Variants in GPC5 observed in about 807,000 individuals in gnomAD.
The protein encoded by GPC5 is glypican-5.
GPC5 carries 47 observed loss-of-function variants against 53.9 expected under a neutral mutation model. That is an observed-to-expected ratio of 0.87 (90% CI 0.69 to 1.11). The LOEUF (loss-of-function observed/expected upper bound fraction) is 1.11, where lower values mean the gene tolerates loss of function less well. GPC5 is among the 50% of genes most tolerant of loss of function. The pLI, the probability that GPC5 is intolerant of heterozygous loss-of-function variation, is 0.00. For missense variants in GPC5, 748 were observed against 713.1 expected, an observed-to-expected ratio of 1.05 and a Z score of -0.56; for synonymous variants, 286 against 263.3, an observed-to-expected ratio of 1.09 and a Z score of -0.84.
intron 7 of GPC5, among the ~76,000 whole-genome samples, chr13:92,371,007 G>A (rs912721031): frequency 1.3e-5 from 2 of 151,938 alleles, no homozygotes; most frequent in African/African-American, 4.8e-5. Context: ...AAATTAGCTG[G>A]GTGTGGTGTT....
chr13:92,314,858 A>G (rs1223612799), intron 7 of GPC5, among the ~76,000 whole-genome samples: 2 of 151,992 alleles, frequency 1.3e-5, no homozygotes, highest in Non-Finnish European at 2.9e-5. Context: ...CTGCAGCCTC[A>G]ACACCCCCCA....
chr13:91,999,643 T>A (rs901066204), intron 6 of GPC5, among the ~76,000 whole-genome samples: 6 of 152,222 alleles, frequency 3.9e-5, no homozygotes, highest in Admixed American at 2.0e-4. Flanking sequence ...TCTCTTTTAT[T>A]CATTTGCTGT....
chr13:91,988,762 G>GAT (rs1425445680), intron 6 of GPC5, among the ~76,000 whole-genome samples: 1 of 149,732 alleles, frequency 6.7e-6, no homozygotes. Context: ...CAAGCTTTAA[G>GAT]GTCTGTTATC....
chr13:91,838,547 G>C (rs1232191731), intron 5 of GPC5, among the ~76,000 whole-genome samples: 1 of 151,848 alleles, frequency 6.6e-6, no homozygotes, highest in Non-Finnish European at 1.5e-5. Context: ...AGGAGAAAAG[G>C]GATGAGAGAA....
chr13:92,021,671 A>T (rs1272142369), intron 6 of GPC5, among the ~76,000 whole-genome samples: 1 of 152,218 alleles, frequency 6.6e-6, no homozygotes, highest in Non-Finnish European at 1.5e-5. Flanking sequence ...CTATTTTCAT[A>T]AGAATATCAG....
In GPC5 at chr13:91,434,929, A is replaced by G. The variant is rs574251212; in HGVS notation, c.164-13832A>G. ...TCCCTTGTAAGTTGGATTCCTAGGT[A>G]TTTTATTCTCTTTGAAGCAATTGTG... On this transcript the variant is annotated intron_variant, in intron 1 of 7. Transcript: ENST00000377067. Among the ~76,000 whole-genome samples, 12 of 152,064 alleles carry G rather than the reference A, an allele frequency of 7.9e-5. No homozygotes were observed. The East Asian group carries it at 1.4e-3, about 17-fold the overall frequency.
At chr13:92,344,052 G>A (rs1260633377) in intron 7 of GPC5, among the ~76,000 whole-genome samples, 1 of 150,118 alleles carries the variant, frequency 6.7e-6, no homozygotes, top group Non-Finnish European at 1.5e-5. Flanking sequence ...GAGTGGGGAG[G>A]TTAGAATCTA....
At chr13:91,472,906 G>A (rs561664829) in intron 2 of GPC5, among the ~76,000 whole-genome samples, 26 of 152,164 alleles carry the variant, frequency 1.7e-4, no homozygotes, top group Non-Finnish European at 2.5e-4. Flanking sequence ...GAAAATTCAG[G>A]GAATACAGAG....
At chr13:92,591,718 A>G (rs1317598275) in intron 7 of GPC5, among the ~76,000 whole-genome samples, 1 of 152,124 alleles carries the variant, frequency 6.6e-6, no homozygotes, top group Non-Finnish European at 1.5e-5. Context: ...ATAATTATAT[A>G]TCCTTCGACC....
chr13:92,012,428 A>G (rs1014053331), intron 6 of GPC5, among the ~76,000 whole-genome samples: 8 of 152,296 alleles, frequency 5.3e-5, no homozygotes, highest in African/African-American at 1.4e-4. Context: ...ATTTTTTTAA[A>G]AAAGAATTTC....
At chr13:92,615,691 TAA>T (rs777128002) in intron 7 of GPC5, among the ~76,000 whole-genome samples, 16 of 152,162 alleles carry the variant, frequency 1.1e-4, no homozygotes, top group Non-Finnish European at 2.1e-4. Context: ...TATTTCAGTT[TAA>T]GTCTCCAAGA....
intron 5 of GPC5, among the ~76,000 whole-genome samples, chr13:91,892,239 A>G (rs921081902): frequency 6.6e-6 from 1 of 151,954 alleles, no homozygotes; most frequent in Non-Finnish European, 1.5e-5. Flanking sequence ...CATTGACCAC[A>G]TAGTATTTTT....
intron 2 of GPC5, among the ~76,000 whole-genome samples, chr13:91,686,034 G>A (rs188533795): frequency 2.1e-3 from 312 of 151,926 alleles, no homozygotes; most frequent in Middle Eastern, 0.014. Flanking sequence ...AAACTCTTCC[G>A]TATAGCTCCT....
chr13:92,004,897 C>T (rs2040592540), intron 6 of GPC5, among the ~76,000 whole-genome samples: 2 of 152,098 alleles, frequency 1.3e-5, no homozygotes, highest in Non-Finnish European at 2.9e-5. Context: ...CAGGTCCCTC[C>T]CATAACACGT....
chr13:92,128,380 G>A (rs2041716938), intron 6 of GPC5, among the ~76,000 whole-genome samples: 1 of 152,242 alleles, frequency 6.6e-6, no homozygotes, highest in Non-Finnish European at 1.5e-5. Context: ...TTACACATTT[G>A]AGTTACCTTA....
intron 2 of GPC5, among the ~76,000 whole-genome samples, chr13:91,475,755 T>G (rs1462987206): frequency 3.3e-5 from 5 of 152,006 alleles, no homozygotes; most frequent in Admixed American, 3.3e-4. Flanking sequence ...AGAGAGCAAG[T>G]GGAAAGATAA....
chr13:91,881,904 T>G (rs1027123872), intron 5 of GPC5, among the ~76,000 whole-genome samples: 1 of 152,082 alleles, frequency 6.6e-6, no homozygotes, highest in African/African-American at 2.4e-5. Context: ...CCTAATCTAA[T>G]CCACAAAAAC....
chr13:91,608,431 G>A (rs9589305), intron 2 of GPC5, among the ~76,000 whole-genome samples: 28,928 of 152,038 alleles, frequency 0.19, 2,866 homozygotes, highest in African/African-American at 0.23. Context: ...TGCTTGTACC[G>A]TGTCCCTATT....
intron 4 of GPC5, among the ~76,000 whole-genome samples, chr13:91,731,457 G>A (rs971772861): frequency 6.6e-6 from 1 of 152,122 alleles, no homozygotes; most frequent in Non-Finnish European, 1.5e-5. Flanking sequence ...GGAGAGGAAT[G>A]TCTTTTTTTT....
Sources: gnomAD v4.1 joint callset for allele counts (sites outside exome capture counted in the v4.1 genomes callset) on GRCh38, gnomAD v4.1.1 for gene constraint, MANE v1.5 for transcripts, NCBI Gene and HGNC (gene_info 2026-07-23, HGNC 2026-07-21) for gene names.